THOC1: variants seen among roughly 807,000 people sequenced by gnomAD.
The protein encoded by THOC1 is THO complex subunit 1.
Under a neutral mutation model 97.3 loss-of-function variants are expected in THOC1, and 29 were observed. The observed-to-expected ratio is 0.30, with a 90% CI of 0.22 to 0.41. THOC1 has a LOEUF of 0.41. Among genes scored for constraint, THOC1 ranks in the 10% least tolerant of loss-of-function variants. The pLI, the probability that THOC1 is intolerant of heterozygous loss-of-function variation, is 1.00. For synonymous variants in THOC1, 255 were observed against 257.0 expected (o/e 0.99, Z 0.07); for missense variants, 529 against 761.9 (o/e 0.69, Z 3.60).
At chr18:243,050 T>G (rs2143237899) in intron 11 of THOC1, among the ~76,000 whole-genome samples, 1 of 152,344 alleles carries the variant, frequency 6.6e-6, no homozygotes, top group South Asian at 2.1e-4. Context: ...AAGACAAAGT[T>G]GTTGCTTAAG....
intron 4 of THOC1, among the ~76,000 whole-genome samples, chr18:262,422 C>T (rs1912632795): frequency 1.3e-5 from 2 of 152,164 alleles, no homozygotes; most frequent in South Asian, 4.1e-4. Context: ...TATAGTCTGT[C>T]TCAAAAAGAA....
intron 16 of THOC1, 52 bp from the exon 17 acceptor site, chr18:223,557 G>T: frequency 7.1e-7 from 1 of 1,403,962 alleles, no homozygotes; most frequent in Non-Finnish European, 9.8e-7. Context: ...CCATCCTCAT[G>T]TGCCTTGAAA....
At chr18:249,653 C>T (rs1912215285) in intron 9 of THOC1, among the ~76,000 whole-genome samples, 1 of 145,832 alleles carries the variant, frequency 6.9e-6, no homozygotes, top group African/African-American at 2.5e-5. Flanking sequence ...CAGAGCGAGA[C>T]TCCGTCTCAA....
Position 268,031 on chromosome 18 carries a change from C to T in THOC1, c.-12G>A. ...GGCGTCGGAGACATCTTCTCGGCTG[C>T]GCGTGCCCGCCACTGCGCTGCGGCG... is the stretch of plus-strand genomic sequence containing the variant. On this transcript the variant is annotated 5_prime_UTR_variant, in exon 1 of 21. Transcript: ENST00000261600. 3 of 1,567,670 alleles carry T rather than the reference C, an allele frequency of 1.9e-6. No homozygotes were observed. The highest frequency in any genetic ancestry group is 2.4e-5 in the East Asian group (1 of 42,298).
At chr18:257,948 T>A (rs1286626492) in intron 7 of THOC1, among the ~76,000 whole-genome samples, 1 of 152,078 alleles carries the variant, frequency 6.6e-6, no homozygotes, top group African/African-American at 2.4e-5. Flanking sequence ...TACACAATAT[T>A]TGAAGAGATA....
chr18:219,076 C>T (rs1310020659), intron 17 of THOC1, 107 bp from the exon 18 acceptor site: 1 of 303,338 alleles, frequency 3.3e-6, no homozygotes, highest in Non-Finnish European at 5.3e-6. Flanking sequence ...CTGAGCAGTA[C>T]AAAAATAACC....
At chr18:249,524 T>C (rs1392313215) in intron 9 of THOC1, among the ~76,000 whole-genome samples, 2 of 151,974 alleles carry the variant, frequency 1.3e-5, no homozygotes, top group African/African-American at 4.8e-5. Flanking sequence ...TACCCAGGCA[T>C]TGTGGTGCGT....
At chr18:237,177 T>G (rs612479) in intron 11 of THOC1, among the ~76,000 whole-genome samples, 23,371 of 128,082 alleles carry the variant, frequency 0.18, 1,793 homozygotes, top group Non-Finnish European at 0.24. Flanking sequence ...TTTTTTTTTT[T>G]GAGACAGAGT....
intron 17 of THOC1, among the ~76,000 whole-genome samples, chr18:222,620 C>T (rs1016797451): frequency 5.3e-5 from 8 of 151,990 alleles, no homozygotes; most frequent in Non-Finnish European, 1.0e-4. Context: ...GAGTTGGAAA[C>T]GATGAGTTAA....
chr18:225,216 G>T, intron 13 of THOC1, 77 bp from the exon 14 acceptor site: 4 of 1,523,842 alleles, frequency 2.6e-6, no homozygotes, highest in Non-Finnish European at 3.6e-6. Flanking sequence ...GAGAACCAAG[G>T]AGTGTTTGTG....
chr18:253,396 G>A (rs1347859211), intron 8 of THOC1, among the ~76,000 whole-genome samples: 3 of 152,146 alleles, frequency 2.0e-5, no homozygotes, highest in Non-Finnish European at 4.4e-5. Context: ...TCCACAGGCA[G>A]AGAAATGTGA....
At chr18:218,632 G>A (rs1189479767) in intron 18 of THOC1, among the ~76,000 whole-genome samples, 2 of 152,068 alleles carry the variant, frequency 1.3e-5, no homozygotes, top group African/African-American at 4.8e-5. Context: ...TAGTTGGAGA[G>A]AAATGGGGAT....
intron 9 of THOC1, among the ~76,000 whole-genome samples, chr18:251,182 G>C (rs1311260527): frequency 6.6e-6 from 1 of 152,102 alleles, no homozygotes; most frequent in African/African-American, 2.4e-5. Context: ...TAAAGATGTG[G>C]AAACTGTGTT....
chr18:239,359 C>T (rs1356799120), intron 11 of THOC1, among the ~76,000 whole-genome samples: 1 of 152,088 alleles, frequency 6.6e-6, no homozygotes, highest in Non-Finnish European at 1.5e-5. Context: ...GGATGGAGTG[C>T]AGTGGTGTGA....
At chr18:237,630 AG>A (rs1209009976) in intron 11 of THOC1, among the ~76,000 whole-genome samples, 25 of 152,342 alleles carry the variant, frequency 1.6e-4, no homozygotes, top group African/African-American at 5.8e-4. Context: ...CAGGTTCCAC[AG>A]TTAGTATGTT....
intron 3 of THOC1, among the ~76,000 whole-genome samples, chr18:264,675 A>G (rs1313280117): frequency 6.6e-6 from 1 of 152,228 alleles, no homozygotes; most frequent in Non-Finnish European, 1.5e-5. Flanking sequence ...AAGAAAAGGA[A>G]AGAATCATTT....
intron 11 of THOC1, among the ~76,000 whole-genome samples, chr18:229,978 T>C (rs1040018724): frequency 1.3e-5 from 2 of 152,328 alleles, no homozygotes; most frequent in East Asian, 1.9e-4. Context: ...ATTTATAAAC[T>C]GGTAACTCCT....
At chr18:266,516 T>C (rs370010711) in intron 1 of THOC1, among the ~76,000 whole-genome samples, 11 of 151,526 alleles carry the variant, frequency 7.3e-5, no homozygotes, top group Admixed American at 1.3e-4. Flanking sequence ...TCCAATTTCA[T>C]GGTCCTTTTC....
At chr18:264,221 A>G in intron 3 of THOC1, 129 bp from the exon 4 acceptor site, 1 of 644,926 alleles carries the variant, frequency 1.6e-6, no homozygotes, top group East Asian at 2.9e-5. Context: ...TCTTATAGAA[A>G]ACAATATTTT....
Sources: gnomAD v4.1 joint callset for allele counts (sites outside exome capture counted in the v4.1 genomes callset) on GRCh38, gnomAD v4.1.1 for gene constraint, MANE v1.5 for transcripts, NCBI Gene and HGNC (gene_info 2026-07-23, HGNC 2026-07-21) for gene names.